The following NARS2 variants were observed in gnomAD, a reference collection of about 807,000 sequenced individuals.
The protein encoded by NARS2 is asparaginyl-tRNA synthetase.
In NARS2, 60 loss-of-function variants were observed where a neutral mutation model predicts 62.9. The ratio of observed to expected loss-of-function variants is 0.95; its 90% CI spans 0.77 to 1.18. The LOEUF is 1.18. NARS2 is among the 50% of genes most tolerant of loss of function. The pLI is 0.00. For synonymous variants in NARS2, 196 were observed against 200.0 expected, an observed-to-expected ratio of 0.98 and a Z score of 0.17; for missense variants, 619 against 576.4, an observed-to-expected ratio of 1.07 and a Z score of -0.76.
chr11:78,436,858 G>A (rs946852053), intron 13 of NARS2, 44 bp from the exon 14 acceptor site: 5 of 1,554,318 alleles, frequency 3.2e-6, no homozygotes, highest in Non-Finnish European at 4.4e-6. Flanking sequence ...TATAGTATAA[G>A]ACCAGATGTT....
At chr11:78,571,079 C>T (rs1856905534) in intron 2 of NARS2, among the ~76,000 whole-genome samples, 1 of 152,026 alleles carries the variant, frequency 6.6e-6, no homozygotes, top group Non-Finnish European at 1.5e-5. Context: ...CTTAAGGGAG[C>T]CGCAGGTAAT....
intron 11 of NARS2, among the ~76,000 whole-genome samples, chr11:78,450,438 G>C (rs1349120215): frequency 6.6e-6 from 1 of 152,068 alleles, no homozygotes; most frequent in African/African-American, 2.4e-5. Flanking sequence ...TATCATCTTT[G>C]TTCTTTCTTT....
chr11:78,573,173 C>T (rs1856992299), intron 1 of NARS2: 1 of 152,222 alleles, frequency 6.6e-6, no homozygotes, highest in Admixed American at 6.5e-5. Context: ...ACAGAAATCA[C>T]TGCAACGGCA....
At chr11:78,560,777 G>C (rs72937735) in intron 4 of NARS2, among the ~76,000 whole-genome samples, 223 of 152,306 alleles carry the variant, frequency 1.5e-3, no homozygotes, top group Non-Finnish European at 2.7e-3. Context: ...TAATCTGACA[G>C]CAACATGCCC....
intron 6 of NARS2, among the ~76,000 whole-genome samples, chr11:78,523,099 C>A (rs1450365871): frequency 6.6e-6 from 1 of 151,998 alleles, no homozygotes; most frequent in Non-Finnish European, 1.5e-5. Flanking sequence ...AAAGACAATC[C>A]AATTTTAAAA....
chr11:78,560,136 G>A (rs1856508288), intron 4 of NARS2, among the ~76,000 whole-genome samples: 1 of 152,124 alleles, frequency 6.6e-6, no homozygotes, highest in South Asian at 2.1e-4. Flanking sequence ...CACCAAAAAA[G>A]GAGAAAAAGT....
intron 6 of NARS2, among the ~76,000 whole-genome samples, chr11:78,498,816 T>C (rs904389927): frequency 6.6e-5 from 10 of 151,708 alleles, no homozygotes; most frequent in Non-Finnish European, 5.9e-5. Context: ...CTCCATTATA[T>C]TGAAAATTTC....
At chr11:78,545,009 C>G (rs1271876891) in intron 5 of NARS2, among the ~76,000 whole-genome samples, 2 of 151,956 alleles carry the variant, frequency 1.3e-5, no homozygotes, top group Non-Finnish European at 2.9e-5. Flanking sequence ...TATAACACAC[C>G]TGTTTAAGTC....
At chr11:78,507,875 C>CCATT (rs71046974) in intron 6 of NARS2, among the ~76,000 whole-genome samples, 106,869 of 151,320 alleles carry the variant, frequency 0.71, 38,853 homozygotes, top group Non-Finnish European at 0.81. Context: ...AAAATATGAC[C>CCATT]CAGAGGGGAA....
chr11:78,484,290 G>GA (rs906485164), intron 7 of NARS2, among the ~76,000 whole-genome samples: 1 of 151,900 alleles, frequency 6.6e-6, no homozygotes, highest in Non-Finnish European at 1.5e-5. Context: ...AAAAACCCTA[G>GA]AAAAAAACGT....
intron 6 of NARS2, among the ~76,000 whole-genome samples, chr11:78,510,053 T>C (rs987846693): frequency 3.3e-5 from 5 of 152,070 alleles, no homozygotes; most frequent in African/African-American, 9.7e-5. Context: ...AAAAACACAG[T>C]AATGCAGAAA....
chr11:78,524,999 A>C (rs1002095317), intron 6 of NARS2, among the ~76,000 whole-genome samples: 19 of 152,156 alleles, frequency 1.2e-4, no homozygotes, highest in African/African-American at 4.6e-4. Flanking sequence ...AAAGTCCTGG[A>C]GGAACTTTAA....
At chr11:78,510,655 G>A (rs547194207) in intron 6 of NARS2, among the ~76,000 whole-genome samples, 6 of 152,166 alleles carry the variant, frequency 3.9e-5, no homozygotes, top group African/African-American at 1.4e-4. Context: ...ATATGTGCAT[G>A]TGTTATTTAT....
chr11:78,436,527 A>T lies in NARS2; in HGVS notation c.*143T>A. ...CTTTCTAAGAAAATCACAACCACTT[A>T]TATTTTTTCTATGATATCTTATGGC... On this transcript the variant is annotated 3_prime_UTR_variant, in exon 14 of 14. Coordinates refer to ENST00000281038, the MANE Select transcript of NARS2 (RefSeq NM_024678.6). 9.8e-7 allele frequency: 1 copy of T among 1,025,306 alleles called. No homozygotes were observed. 63.5% of individuals were successfully genotyped at this position (1,025,306 alleles called of 1,614,324 possible). A position where few individuals can be genotyped will look rare whatever the true frequency, so the allele number is the denominator to read the frequency against.
At chr11:78,480,578 T>C (rs1208736413) in intron 7 of NARS2, among the ~76,000 whole-genome samples, 1 of 150,314 alleles carries the variant, frequency 6.7e-6, no homozygotes, top group African/African-American at 2.5e-5. Context: ...TCTATTACTA[T>C]GGTCATTTAT....
At chr11:78,518,251 G>A (rs1385300367) in intron 6 of NARS2, among the ~76,000 whole-genome samples, 1 of 152,174 alleles carries the variant, frequency 6.6e-6, no homozygotes, top group African/African-American at 2.4e-5. Flanking sequence ...TAGGTTATAT[G>A]CAAATACGTG....
In NARS2 at chr11:78,574,316, A is replaced by G. The variant is rs193251684; in HGVS notation, c.141+32T>C. On this transcript the variant is annotated intron_variant, in intron 1 of 13. Coordinates refer to ENST00000281038, the MANE Select transcript of NARS2 (RefSeq NM_024678.6). Reference sequence around the variant, plus strand: ...GATGTGCCATATAAAAGTCCCTACAAGAAAAAACCCACTCCCTTCCCATTC... The same window carrying G: ...GATGTGCCATATAAAAGTCCCTACAGGAAAAAACCCACTCCCTTCCCATTC... 120 of 1,614,108 alleles carry G rather than the reference A, an allele frequency of 7.4e-5. 2 individuals carry two copies. In the African/African-American group the frequency reaches 1.5e-3, roughly 20 times the overall value.
At chr11:78,483,577 C>T (rs2135285555) in intron 7 of NARS2, among the ~76,000 whole-genome samples, 1 of 152,250 alleles carries the variant, frequency 6.6e-6, no homozygotes, top group South Asian at 2.1e-4. Context: ...AAATCACAAG[C>T]TTTCCTATAC....
At chr11:78,490,586 G>A (rs1859776661) in intron 7 of NARS2, among the ~76,000 whole-genome samples, 1 of 152,092 alleles carries the variant, frequency 6.6e-6, no homozygotes, top group Non-Finnish European at 1.5e-5. Context: ...GGACACTGAG[G>A]CAGGCGGATG....
Sources: gnomAD v4.1 joint callset for allele counts (sites outside exome capture counted in the v4.1 genomes callset) on GRCh38, gnomAD v4.1.1 for gene constraint, MANE v1.5 for transcripts, NCBI Gene and HGNC (gene_info 2026-07-23, HGNC 2026-07-21) for gene names.